Variants in DGKB observed in about 807,000 individuals in gnomAD.
DGKB encodes the protein 90 kDa diacylglycerol kinase.
In DGKB, 67 loss-of-function variants were observed where a neutral mutation model predicts 114.3. The ratio of observed to expected loss-of-function variants is 0.59; its 90% CI spans 0.48 to 0.72. The LOEUF (loss-of-function observed/expected upper bound fraction) is 0.72. DGKB is among the 30% of genes least tolerant of loss of function. The probability of loss-of-function intolerance (pLI) is 0.00; values close to 1 mark genes in which losing one functional copy is unlikely to be tolerated. For missense variants in DGKB, 907 were observed against 975.2 expected, an observed-to-expected ratio of 0.93 and a Z score of 0.93; for synonymous variants, 398 against 323.1, an observed-to-expected ratio of 1.23 and a Z score of -2.49.
intron 23 of DGKB, among the ~76,000 whole-genome samples, chr7:14,238,495 A>AT (rs11315180): frequency 6.6e-6 from 1 of 151,754 alleles, no homozygotes; most frequent in Non-Finnish European, 1.5e-5. Context: ...AATACTTTTG[A>AT]TTTTTTTACT....
At position 14,425,618 on chromosome 7, in the gene DGKB, A is replaced by G. The variant is rs1583846143; in HGVS notation, c.1835+52543T>C. Among the ~76,000 whole-genome samples the G allele has an allele frequency of 2.0e-5, 3 of 152,294 alleles. No individual in the cohort carries two copies. In the South Asian group the frequency reaches 6.2e-4, roughly 32 times the overall value. ...GATAGTCAGTATTAGACATAAAGTG[A>G]CTGAAATAGAGCTTGATTACAAGAG... On this transcript the variant is annotated intron_variant, in intron 21 of 25. Transcript: ENST00000402815.
intron 23 of DGKB, among the ~76,000 whole-genome samples, chr7:14,267,740 C>T (rs1437592232): frequency 6.6e-6 from 1 of 152,090 alleles, no homozygotes; most frequent in African/African-American, 2.4e-5. Flanking sequence ...CCACCCACCT[C>T]GGCCTCCCAA....
intron 21 of DGKB, among the ~76,000 whole-genome samples, chr7:14,369,244 A>T (rs1333162018): frequency 1.3e-5 from 2 of 152,190 alleles, no homozygotes; most frequent in East Asian, 1.9e-4. Context: ...TGCAAAGGAC[A>T]TAAACTCATC....
rs1584690456 is a variant in DGKB at position 14,541,326 on chromosome 7, T to C, written c.1770+32886A>G. 1.3e-5 allele frequency among the ~76,000 whole-genome samples: 2 copies of C among 152,304 alleles called. 1 individual carries two copies. Among genetic ancestry groups the C allele is most frequent in the East Asian group, 3.9e-4 (2 of 5,186 alleles). ...CACTTCATTTGTGAGCACACTGAAG[T>C]GCTTCTAAACTGCATGAAAATATTT... On this transcript the variant is annotated intron_variant, in intron 20 of 25. Transcript: ENST00000402815.
At chr7:14,648,540 G>A (rs1260918505) in intron 13 of DGKB, among the ~76,000 whole-genome samples, 1 of 152,040 alleles carries the variant, frequency 6.6e-6, no homozygotes. Context: ...CCACAAAGAT[G>A]GGGAAAAAAC....
At chr7:14,814,322 C>A (rs568354012) in intron 2 of DGKB, among the ~76,000 whole-genome samples, 8 of 152,038 alleles carry the variant, frequency 5.3e-5, no homozygotes, top group Non-Finnish European at 1.0e-4. Flanking sequence ...CAAACCAGTA[C>A]CAAGAACAGC....
intron 1 of DGKB, among the ~76,000 whole-genome samples, chr7:14,915,211 AAAAT>A (rs1562872649): frequency 6.6e-6 from 1 of 152,078 alleles, no homozygotes; most frequent in African/African-American, 2.4e-5. Flanking sequence ...GACAAAAAAT[AAAAT>A]AAATAAAAAT....
intron 23 of DGKB, among the ~76,000 whole-genome samples, chr7:14,332,307 G>A (rs1449345166): frequency 2.6e-5 from 4 of 152,190 alleles, no homozygotes; most frequent in Non-Finnish European, 5.9e-5. Context: ...GCCCAAAGTT[G>A]TCCAGATAAG....
At chr7:14,656,045 G>A (rs111729972) in intron 13 of DGKB, among the ~76,000 whole-genome samples, 2,877 of 151,598 alleles carry the variant, frequency 0.019, 97 homozygotes, top group African/African-American at 0.066. Flanking sequence ...TTTCCAATAC[G>A]AAGAAATGAT....
intron 23 of DGKB, among the ~76,000 whole-genome samples, chr7:14,334,384 G>T (rs1394365474): frequency 1.2e-5 from 1 of 83,188 alleles, no homozygotes; most frequent in South Asian, 9.4e-4. Flanking sequence ...GTGTGTGTGT[G>T]TGTGTGTGTG....
rs73679708 is a variant in DGKB, at chr7:14,331,470, C to T, written c.2122+7045G>A. Among the ~76,000 whole-genome samples, 1,287 of 152,090 alleles carry T rather than the reference C, an allele frequency of 8.5e-3. 19 individuals carry two copies. Among genetic ancestry groups the T allele is most frequent in the African/African-American group, 0.029 (1,218 of 41,490 alleles). On this transcript the variant is annotated intron_variant, in intron 23 of 25. Transcript: ENST00000402815. ...ATTTATATTTAGACAACTTAAAACA[C>T]TGCTTTCTAAATTACCCTAAATAAC...
At chr7:14,840,077 T>C (rs981663471) in intron 2 of DGKB, among the ~76,000 whole-genome samples, 2 of 152,232 alleles carry the variant, frequency 1.3e-5, no homozygotes, top group Admixed American at 1.3e-4. Context: ...TCTAAGTCCC[T>C]ATATGTGTTT....
chr7:14,644,083 G>GA (rs892322625), intron 13 of DGKB, among the ~76,000 whole-genome samples: 2 of 145,974 alleles, frequency 1.4e-5, no homozygotes, highest in Non-Finnish European at 3.0e-5. Flanking sequence ...AAACTACTGA[G>GA]AAAATCACAT....
rs1364097182 is a variant in DGKB, at chr7:14,660,680, C to A, written c.1134+12249G>T. Among the ~76,000 whole-genome samples the A allele has an allele frequency of 2.0e-5, 3 of 151,954 alleles. No homozygotes were observed. The East Asian group carries it at 5.8e-4, about 30-fold the overall frequency. ...TCCCCATCAAGCTACCAACGACTTT[C>A]TTCACAGAATTGGAAAAAACTACTT... On this transcript the variant is annotated intron_variant, in intron 13 of 25. Coordinates refer to ENST00000402815, the MANE Select transcript of DGKB (RefSeq NM_001350709.2).
At chr7:14,878,865 C>G (rs1342428034) in intron 1 of DGKB, among the ~76,000 whole-genome samples, 3 of 148,504 alleles carry the variant, frequency 2.0e-5, no homozygotes, top group African/African-American at 7.7e-5. Context: ...TCTATTGAAT[C>G]CATTGCAAAT....
At chr7:14,583,257 A>G in intron 17 of DGKB, 120 bp from the exon 18 acceptor site, 1 of 563,296 alleles carries the variant, frequency 1.8e-6, no homozygotes, top group Non-Finnish European at 3.1e-6. Context: ...ACTGTAAAAT[A>G]TCTCAGTGAT....
chr7:14,535,479 C>T lies in DGKB; in HGVS notation c.1770+38733G>A, dbSNP rs989460661. 1.5e-4 allele frequency among the ~76,000 whole-genome samples: 22 copies of T among 151,524 alleles called. No individual in the cohort carries two copies. In the East Asian group the frequency reaches 2.3e-3, roughly 16 times the overall value. ...ACCTCAAGTAACTACAAAAAGAACA[C>T]GCTAAAGCCATAGTTAGCAGAAGAA... On this transcript the variant is annotated intron_variant, in intron 20 of 25. Transcript: ENST00000402815.
In DGKB at chr7:14,689,924, C is replaced by G. The variant is rs182626542; in HGVS notation, c.711+4151G>C. ...AAAATGTGTCTTAAACAATCTCAGT[C>G]AAAGGCAAAGTTTAAATGACCTATA... On this transcript the variant is annotated intron_variant, in intron 9 of 25. Coordinates refer to ENST00000402815, the MANE Select transcript of DGKB (RefSeq NM_001350709.2). Among the ~76,000 whole-genome samples, 208 of 152,226 alleles carry G rather than the reference C, an allele frequency of 1.4e-3. 1 individual carries two copies. Among genetic ancestry groups the G allele is most frequent in the African/African-American group, 4.8e-3 (198 of 41,534 alleles).
At chr7:14,583,180 A>T (rs758323364) in intron 17 of DGKB, 43 bp from the exon 18 acceptor site, 1 of 1,242,662 alleles carries the variant, frequency 8.0e-7, no homozygotes, top group Non-Finnish European at 1.1e-6. Flanking sequence ...ATAGTTTAAA[A>T]ATAAGATGTT....
Sources: allele counts gnomAD v4.1 joint callset (sites outside exome capture counted in the v4.1 genomes callset), GRCh38; gene constraint gnomAD v4.1.1; transcripts MANE v1.5; gene names NCBI Gene and HGNC (gene_info 2026-07-23, HGNC 2026-07-21).